Variants in SLC25A13 observed in about 807,000 individuals in gnomAD.
The protein encoded by SLC25A13 is electrogenic aspartate/glutamate antiporter SLC25A13, mitochondrial.
In SLC25A13, 70 loss-of-function variants were observed where a neutral mutation model predicts 85.5. The ratio of observed to expected loss-of-function variants is 0.82; its 90% confidence interval spans 0.68 to 1.00. SLC25A13 has a LOEUF of 1.00. SLC25A13 is among the 50% of genes least tolerant of loss of function. The probability of loss-of-function intolerance (pLI) is 0.00; values close to 1 mark genes in which losing one functional copy is unlikely to be tolerated. For synonymous variants in SLC25A13, 259 were observed against 288.7 expected (o/e 0.90, Z 1.04); for missense variants, 765 against 819.8 (o/e 0.93, Z 0.82).
At position 96,226,635 on chromosome 7, in the gene SLC25A13, G is replaced by A. The variant is rs191876991; in HGVS notation, c.328+8167C>T. ...CCCTTATAGAAAATGTTTGCCACCC[G>A]TGATCTAGTATAAAAAATAACACCA... On this transcript the variant is annotated intron_variant, in intron 4 of 17. Coordinates refer to ENST00000265631, the MANE Select transcript of SLC25A13 (RefSeq NM_014251.3). Among the ~76,000 whole-genome samples, 282 of 151,386 alleles carry A rather than the reference G, an allele frequency of 1.9e-3. 1 individual carries two copies. The highest frequency in any genetic ancestry group is 6.3e-3 in the African/African-American group (258 of 41,246).
intron 4 of SLC25A13, among the ~76,000 whole-genome samples, chr7:96,225,210 C>G (rs1796287178): frequency 6.6e-6 from 1 of 152,142 alleles, no homozygotes; most frequent in Non-Finnish European, 1.5e-5. Flanking sequence ...CCCCCTTCCT[C>G]TCACCCATGG....
chr7:96,320,608 A>C (rs977934126), intron 1 of SLC25A13, among the ~76,000 whole-genome samples: 1 of 152,232 alleles, frequency 6.6e-6, no homozygotes, highest in African/African-American at 2.4e-5. Context: ...GAAACTGCTG[A>C]AAAGTTATAG....
chr7:96,286,118 A>G (rs1798874929), intron 2 of SLC25A13, among the ~76,000 whole-genome samples: 1 of 151,602 alleles, frequency 6.6e-6, no homozygotes, highest in Non-Finnish European at 1.5e-5. Flanking sequence ...CCCCATCTCT[A>G]CTAAAAATGC....
At chr7:96,280,958 A>G (rs1562900321) in intron 2 of SLC25A13, among the ~76,000 whole-genome samples, 1 of 152,222 alleles carries the variant, frequency 6.6e-6, no homozygotes, top group Non-Finnish European at 1.5e-5. Flanking sequence ...CATATACACA[A>G]AAACTATGTG....
At chr7:96,213,173 G>A (rs1466315546) in intron 4 of SLC25A13, among the ~76,000 whole-genome samples, 1 of 152,038 alleles carries the variant, frequency 6.6e-6, no homozygotes, top group African/African-American at 2.4e-5. Flanking sequence ...TGAAATGTTT[G>A]GTCTCTACGT....
At chr7:96,228,853 C>T (rs1796416898) in intron 4 of SLC25A13, among the ~76,000 whole-genome samples, 1 of 152,338 alleles carries the variant, frequency 6.6e-6, no homozygotes, top group African/African-American at 2.4e-5. Context: ...AGCACCTATG[C>T]CAGCAGCTGT....
intron 11 of SLC25A13, among the ~76,000 whole-genome samples, chr7:96,172,192 T>C (rs1331126294): frequency 6.6e-6 from 1 of 152,168 alleles, no homozygotes; most frequent in Admixed American, 6.5e-5. Flanking sequence ...TTGAATGCCA[T>C]ATGTATCCAA....
At chr7:96,279,161 T>C (rs115760540) in intron 2 of SLC25A13, among the ~76,000 whole-genome samples, 1,525 of 152,304 alleles carry the variant, frequency 0.01, 32 homozygotes, top group African/African-American at 0.035. Flanking sequence ...CCGGAAAAGA[T>C]TGTACCAATT....
intron 9 of SLC25A13, among the ~76,000 whole-genome samples, chr7:96,185,637 T>C (rs1230894932): frequency 1.3e-5 from 2 of 151,514 alleles, no homozygotes; most frequent in African/African-American, 4.9e-5. Context: ...ATGCCTGTAA[T>C]CCCAGCACTT....
intron 14 of SLC25A13, among the ~76,000 whole-genome samples, chr7:96,136,527 G>A (rs4729235): frequency 6.6e-6 from 1 of 151,962 alleles, no homozygotes; most frequent in African/African-American, 2.4e-5. Context: ...AGCAATTTCC[G>A]ATGTCTCTTT....
chr7:96,169,298 T>C (rs546312131), intron 13 of SLC25A13, among the ~76,000 whole-genome samples: 1 of 152,308 alleles, frequency 6.6e-6, no homozygotes, highest in East Asian at 1.9e-4. Flanking sequence ...CTTCATCTTT[T>C]TTATAAGAAA....
chr7:96,189,822 G>A, intron 7 of SLC25A13, 148 bp from the exon 8 acceptor site: 1 of 761,362 alleles, frequency 1.3e-6, no homozygotes, highest in Non-Finnish European at 2.3e-6. Context: ...AATAAGGTAA[G>A]AATTTTTGCA....
At chr7:96,311,580 C>T (rs554476747) in intron 1 of SLC25A13, among the ~76,000 whole-genome samples, 15 of 152,210 alleles carry the variant, frequency 9.9e-5, no homozygotes, top group South Asian at 2.1e-4. Context: ...ATTTAAAAGA[C>T]GTATCAACCA....
chr7:96,234,660 A>G (rs949588369), intron 4 of SLC25A13, 142 bp downstream of exon 4: 1 of 639,404 alleles, frequency 1.6e-6, no homozygotes, highest in Non-Finnish European at 2.7e-6. Context: ...GCTCCAAAAC[A>G]TTGAAGTATC....
At chr7:96,141,241 T>A (rs977469590) in intron 14 of SLC25A13, among the ~76,000 whole-genome samples, 1 of 152,120 alleles carries the variant, frequency 6.6e-6, no homozygotes, top group African/African-American at 2.4e-5. Context: ...CTGCCTAGGC[T>A]AGTCTTGAAT....
chr7:96,137,716 T>G (rs544099353), intron 14 of SLC25A13, among the ~76,000 whole-genome samples: 4 of 152,162 alleles, frequency 2.6e-5, no homozygotes, highest in Non-Finnish European at 5.9e-5. Flanking sequence ...AACCTCCACC[T>G]CTGGTTCAAG....
In SLC25A13 at chr7:96,134,813, A is replaced by ATATATATATATATATATAT. The variant is rs1554337551; in HGVS notation, c.1453-2933_1453-2932insATATATATATATATATATA. 4.6e-4 allele frequency among the ~76,000 whole-genome samples: 66 copies of ATATATATATATATATATAT among 142,896 alleles called. 1 individual carries two copies. The highest frequency in any genetic ancestry group is 4.9e-4 in the Admixed American group (7 of 14,202). The allele number at this position is 142,896 out of a possible 152,430, so 93.7% of individuals were successfully genotyped here. A position where few individuals can be genotyped will look rare whatever the true frequency, so the allele number is the denominator to read the frequency against. ...CAATTTTATATATATATATATATAT[A>ATATATATATATATATATAT]ACCCTGAGGAAAGGGTAGAATTGCA... is the stretch of plus-strand genomic sequence containing the variant. On this transcript the variant is annotated intron_variant, in intron 14 of 17. Transcript: ENST00000265631.
chr7:96,132,174 T>A (rs1368136327), intron 14 of SLC25A13, among the ~76,000 whole-genome samples: 1 of 152,206 alleles, frequency 6.6e-6, no homozygotes, highest in East Asian at 1.9e-4. Context: ...GCCTGTGACA[T>A]CCTTTTAAAT....
chr7:96,233,699 GACA>G (rs150809221), intron 4 of SLC25A13, among the ~76,000 whole-genome samples: 2,294 of 152,300 alleles, frequency 0.015, 53 homozygotes, highest in African/African-American at 0.052. Context: ...TTGGCTCAGA[GACA>G]ACAGCAGCAG....
Sources: allele counts gnomAD v4.1 joint callset (sites outside exome capture counted in the v4.1 genomes callset), GRCh38; gene constraint gnomAD v4.1.1; transcripts MANE v1.5; gene names NCBI Gene and HGNC (gene_info 2026-07-23, HGNC 2026-07-21).